The following MATN3 variants were observed in gnomAD, a reference collection of about 807,000 sequenced individuals.
MATN3 encodes the protein matrilin 3.
MATN3 carries 48 observed loss-of-function variants against 45.3 expected under a neutral mutation model. That is an observed-to-expected ratio of 1.06 (90% CI 0.84 to 1.35). The LOEUF (loss-of-function observed/expected upper bound fraction) is 1.35, where lower values mean the gene tolerates loss of function less well. MATN3 is among the 40% of genes most tolerant of loss of function. The probability of loss-of-function intolerance (pLI) is 0.00; values close to 1 mark genes in which losing one functional copy is unlikely to be tolerated. For synonymous variants in MATN3, 217 were observed against 245.9 expected (o/e 0.88, Z 1.10); for missense variants, 599 against 628.0 (o/e 0.95, Z 0.49).
intron 4 of MATN3, 125 bp from the exon 5 acceptor site, chr2:20,000,691 T>C: frequency 1.1e-6 from 1 of 893,614 alleles, no homozygotes; most frequent in Admixed American, 3.4e-5. Context: ...TTCAAAGCCA[T>C]TGGCACTGTT....
chr2:19,993,242 A>G, intron 7 of MATN3, 76 bp from the exon 8 acceptor site: 1 of 1,086,054 alleles, frequency 9.2e-7, no homozygotes, highest in Non-Finnish European at 1.4e-6. Flanking sequence ...ACACTTCACA[A>G]GATAAAATAA....
intron 4 of MATN3, 87 bp from the exon 5 acceptor site, chr2:20,000,653 A>G (rs530775819): frequency 1.4e-5 from 18 of 1,330,838 alleles, no homozygotes; most frequent in Non-Finnish European, 1.6e-5. Context: ...GCAGCTGGAA[A>G]CATATGAGGA....
chr2:20,003,028 G>A, intron 3 of MATN3, 133 bp downstream of exon 3: 1 of 960,734 alleles, frequency 1.0e-6, no homozygotes. Flanking sequence ...AACTGCTGAT[G>A]AACACCAGTA....
Position 19,992,626 on chromosome 2 carries a change from AAG to A in MATN3, c.*483_*484del, listed in dbSNP as rs2103477259. 6.4e-6 allele frequency: 1 copy of A among 155,080 alleles called. No individual in the cohort carries two copies. The highest frequency in any genetic ancestry group is 2.4e-5 in the African/African-American group (1 of 41,598). The allele number at this position is 155,080 out of a possible 1,614,324, so 9.6% of individuals were successfully genotyped here. On this transcript the variant is annotated 3_prime_UTR_variant, in exon 8 of 8. Coordinates refer to ENST00000407540, the MANE Select transcript of MATN3 (RefSeq NM_002381.5). ...TCCAACAAAATAAGCAAAAAACAAAAAGTGTTAAACAGTTCAAAATTACATTC... is the reference window on the plus strand; with the variant it reads ...TCCAACAAAATAAGCAAAAAACAAAATGTTAAACAGTTCAAAATTACATTC...
At chr2:20,001,680 T>C (rs565253288) in intron 4 of MATN3, among the ~76,000 whole-genome samples, 20 of 152,342 alleles carry the variant, frequency 1.3e-4, no homozygotes, top group Non-Finnish European at 2.8e-4. Flanking sequence ...TGGGTTGTTA[T>C]GTGATTTCAA....
chr2:20,012,316 G>C lies in MATN3; in HGVS notation c.223+93C>G, dbSNP rs770057594. ...AGGGGCCTCTTTCCCCCGCACCACGGTCGGCCTGAGGCCGGGATGAAGCGC... is the reference window on the plus strand; with the variant it reads ...AGGGGCCTCTTTCCCCCGCACCACGCTCGGCCTGAGGCCGGGATGAAGCGC... On this transcript the variant is annotated intron_variant, in intron 1 of 7. Coordinates refer to ENST00000407540, the MANE Select transcript of MATN3 (RefSeq NM_002381.5). This position sits in a 1 kb window ranked among gnomAD's most constrained non-coding sequence, Gnocchi z 4.3. 4.3e-4 allele frequency: 426 copies of C among 993,486 alleles called. 1 individual carries two copies. Among genetic ancestry groups the C allele is most frequent in the Admixed American group, 9.1e-4 (21 of 23,096 alleles). The allele number at this position is 993,486 out of a possible 1,614,324, so 61.5% of individuals were successfully genotyped here.
chr2:20,000,573 A>G lies in MATN3; in HGVS notation c.1043-7T>C, dbSNP rs1672965288. 40 of 1,605,500 alleles carry G rather than the reference A, an allele frequency of 2.5e-5. No individual in the cohort carries two copies. Among genetic ancestry groups the G allele is most frequent in the Non-Finnish European group, 3.4e-5 (40 of 1,177,464 alleles). ...AAAGCACATTTATCTTGAGCTGTGAAACAAAAAGTCAGGAGAAAAGAAATA... is the reference window on the plus strand; with the variant it reads ...AAAGCACATTTATCTTGAGCTGTGAGACAAAAAGTCAGGAGAAAAGAAATA... On this transcript the variant is annotated splice_region_variant and splice_polypyrimidine_tract_variant and intron_variant, in intron 4 of 7. Transcript: ENST00000407540.
At chr2:20,006,404 A>G (rs1221480838) in intron 1 of MATN3, 94 bp from the exon 2 acceptor site, 3 of 962,784 alleles carry the variant, frequency 3.1e-6, no homozygotes, top group Non-Finnish European at 4.5e-6. Context: ...CAGGCAAGGC[A>G]GCATCTCCTG....
chr2:20,008,746 T>C lies in MATN3; in HGVS notation c.224-2436A>G, dbSNP rs150016706. ...GAACTAGAAAGTGGTAGAGCATGGA[T>C]TGGACTCCAGGTTTCCTGACTCCCA... On this transcript the variant is annotated intron_variant, in intron 1 of 7. Transcript: ENST00000407540. Among the ~76,000 whole-genome samples, 331 of 152,168 alleles carry C rather than the reference T, an allele frequency of 2.2e-3. 2 individuals carry two copies. Among genetic ancestry groups the C allele is most frequent in the African/African-American group, 7.3e-3 (305 of 41,526 alleles).
intron 6 of MATN3, among the ~76,000 whole-genome samples, chr2:19,996,154 A>G (rs1672861367): frequency 6.6e-6 from 1 of 152,170 alleles, no homozygotes; most frequent in African/African-American, 2.4e-5. Context: ...TTGAAAGTTG[A>G]GAAATGGATC....
chr2:19,994,435 A>G, intron 6 of MATN3, 26 bp from the exon 7 acceptor site: 1 of 1,301,090 alleles, frequency 7.7e-7, no homozygotes, highest in East Asian at 2.3e-5. Flanking sequence ...GTACACAAAT[A>G]TACTATCTAG....
chr2:19,999,720 G>A (rs1196508549), intron 5 of MATN3, among the ~76,000 whole-genome samples: 1 of 151,364 alleles, frequency 6.6e-6, no homozygotes, highest in Non-Finnish European at 1.5e-5. Flanking sequence ...CAAGGGAGAG[G>A]AAAATATATG....
rs1289669474 is a variant in MATN3, at chr2:19,997,220, T to A, written c.1208A>T (p.His403Leu). 6.2e-7 allele frequency: 1 copy of A among 1,613,660 alleles called. No individual in the cohort carries two copies. The change falls in exon 6 of 8, where the codon CAC becomes CTC. Residue 403 changes from histidine to leucine, a missense_variant. By Grantham distance (99) the His-to-Leu change is moderately conservative. Transcript: ENST00000407540. ...KCALGSHGCQ[H>L]ICVSDGAASY... is the part of the protein sequence containing the mutation. ...TGCGGCCCCATCACTCACACAAATG[T>A]GCTGGCAACCATGAGAGCCTAGGGC...
intron 1 of MATN3, among the ~76,000 whole-genome samples, chr2:20,010,309 C>G (rs1019082912): frequency 1.3e-5 from 2 of 152,168 alleles, no homozygotes; most frequent in Non-Finnish European, 2.9e-5. Context: ...GTTCTTATAA[C>G]TAAACGTGCA....
intron 2 of MATN3, among the ~76,000 whole-genome samples, chr2:20,003,645 G>T (rs1673035827): frequency 6.6e-6 from 1 of 152,192 alleles, no homozygotes; most frequent in Non-Finnish European, 1.5e-5. Flanking sequence ...CAAGAAATGG[G>T]AGAACAATAA....
intron 5 of MATN3, 174 bp from the exon 6 acceptor site, chr2:19,997,433 C>T (rs1298138161): frequency 1.7e-6 from 1 of 572,648 alleles, no homozygotes; most frequent in Non-Finnish European, 3.0e-6. Context: ...CTTCCCATAC[C>T]TCTCATCCCT....
At chr2:19,998,866 G>T (rs545011740) in intron 5 of MATN3, among the ~76,000 whole-genome samples, 1 of 152,204 alleles carries the variant, frequency 6.6e-6, no homozygotes, top group Admixed American at 6.5e-5. Context: ...AGACAGTAAG[G>T]CTTAGTGGTT....
chr2:19,993,854 G>T (rs1672806534), intron 7 of MATN3, among the ~76,000 whole-genome samples: 1 of 152,140 alleles, frequency 6.6e-6, no homozygotes, highest in African/African-American at 2.4e-5. Flanking sequence ...TTCTGAGATT[G>T]TATCATGTTA....
At chr2:20,009,737 G>T (rs1459247154) in intron 1 of MATN3, among the ~76,000 whole-genome samples, 1 of 151,996 alleles carries the variant, frequency 6.6e-6, no homozygotes, top group Non-Finnish European at 1.5e-5. Flanking sequence ...AAGAACATTG[G>T]TCTTTACAGT....
Sources: gnomAD v4.1 joint callset for allele counts (sites outside exome capture counted in the v4.1 genomes callset) on GRCh38, gnomAD v4.1.1 for gene constraint, Gnocchi (gnomAD v3.1) non-coding constraint, MANE v1.5 for transcripts, NCBI Gene and HGNC (gene_info 2026-07-23, HGNC 2026-07-21) for gene names.